Variants in SAP30BP observed in about 807,000 individuals in gnomAD.
SAP30BP encodes SAP30-binding protein.
A neutral mutation model predicts 46.3 loss-of-function variants in SAP30BP; 31 were observed. That is an observed-to-expected ratio of 0.67 (90% CI 0.50 to 0.90). The LOEUF is 0.90. Among genes scored for constraint, SAP30BP ranks in the 40% least tolerant of loss-of-function variants. The pLI is 0.00. For missense variants in SAP30BP, 312 were observed against 391.0 expected (o/e 0.80, Z 1.70); for synonymous variants, 169 against 144.2 (o/e 1.17, Z -1.23).
chr17:75,705,886 G>C, intron 9 of SAP30BP, 122 bp from the exon 10 acceptor site: 1 of 1,419,582 alleles, frequency 7.0e-7, no homozygotes, highest in Non-Finnish European at 9.7e-7. Context: ...GCAGAGCAGA[G>C]TTCATTTCCA....
intron 3 of SAP30BP, among the ~76,000 whole-genome samples, chr17:75,681,059 C>T (rs534060471): frequency 2.0e-5 from 3 of 152,234 alleles, no homozygotes; most frequent in South Asian, 4.1e-4. Flanking sequence ...AAATGCCTAA[C>T]GAATGGTTCT....
At chr17:75,701,445 C>G (rs1400359140) in intron 5 of SAP30BP, among the ~76,000 whole-genome samples, 1 of 152,130 alleles carries the variant, frequency 6.6e-6, no homozygotes, top group Non-Finnish European at 1.5e-5. Context: ...CTGGGCAGGA[C>G]CCCCTTCCTG....
At chr17:75,693,845 T>C (rs2060275093) in intron 4 of SAP30BP, among the ~76,000 whole-genome samples, 1 of 152,192 alleles carries the variant, frequency 6.6e-6, no homozygotes, top group Admixed American at 6.5e-5. Flanking sequence ...GGCATATGCA[T>C]GCTGCTCAGG....
chr17:75,675,444 C>T (rs1363787360), intron 3 of SAP30BP, among the ~76,000 whole-genome samples: 2 of 152,120 alleles, frequency 1.3e-5, no homozygotes, highest in African/African-American at 4.8e-5. Context: ...CCACCTCGCC[C>T]GGCCTCTACT....
chr17:75,672,814 G>A (rs1000972172), intron 3 of SAP30BP, among the ~76,000 whole-genome samples: 5 of 151,980 alleles, frequency 3.3e-5, no homozygotes, highest in African/African-American at 9.7e-5. Context: ...AAAATTAACT[G>A]GTGAGACTGG....
Position 75,674,697 on chromosome 17 carries a change from G to GTTTTTT in SAP30BP, c.264+2857_264+2862dup, listed in dbSNP as rs66721865. ...TATGAAGTTTTTTTGTTTGTTTTTT[G>GTTTTTT]TTTTTTTTTTTTTTTTTTTTTTTTT... is the stretch of plus-strand genomic sequence containing the variant. On this transcript the variant is annotated intron_variant, in intron 3 of 10. Coordinates refer to ENST00000584667, the MANE Select transcript of SAP30BP (RefSeq NM_013260.8). Among the ~76,000 whole-genome samples the GTTTTTT allele has an allele frequency of 2.2e-3, 133 of 61,546 alleles. 10 individuals are homozygous for GTTTTTT. The highest frequency in any genetic ancestry group is 3.6e-3 in the East Asian group (7 of 1,934). The allele number at this position is 61,546 out of a possible 152,430, so 40.4% of individuals were successfully genotyped here.
At chr17:75,704,564 A>G (rs1428554985) in intron 8 of SAP30BP, 192 bp from the exon 9 acceptor site, 3 of 583,300 alleles carry the variant, frequency 5.1e-6, no homozygotes, top group Non-Finnish European at 9.2e-6. Flanking sequence ...CAGGGCATGC[A>G]GCCCGCCAGT....
chr17:75,686,405 A>G (rs2060157070), intron 3 of SAP30BP, among the ~76,000 whole-genome samples: 1 of 151,904 alleles, frequency 6.6e-6, no homozygotes, highest in African/African-American at 2.4e-5. Context: ...AGTCCCAGCT[A>G]CTCTGGAGGT....
At chr17:75,671,326 C>T (rs1022723581) in intron 2 of SAP30BP, among the ~76,000 whole-genome samples, 1 of 152,170 alleles carries the variant, frequency 6.6e-6, no homozygotes, top group African/African-American at 2.4e-5. Flanking sequence ...TGCGATACAG[C>T]TGTGTGTAAG....
In SAP30BP at chr17:75,703,355, G is replaced by C; in HGVS notation, c.533G>C (p.Gly178Ala). The C allele has an allele frequency of 6.2e-7, 1 of 1,614,094 alleles. No individual in the cohort carries two copies. Among genetic ancestry groups the C allele is most frequent in the African/African-American group, 1.3e-5 (1 of 75,068 alleles). ...CAGTTCTGTGCCATTGACGAGCTTG[G>C]CACCAACTACCCAAAGGTGCGTCTG... Reference protein sequence around the residue: ...LIQFCAIDELGTNYPKDMFDP... With the variant: ...LIQFCAIDELATNYPKDMFDP... Residue 178 changes from glycine to alanine, a missense_variant, in exon 7 of 11, where the codon GGC becomes GCC. Coordinates refer to ENST00000584667, the MANE Select transcript of SAP30BP (RefSeq NM_013260.8).
At chr17:75,675,752 A>T (rs1176296238) in intron 3 of SAP30BP, among the ~76,000 whole-genome samples, 3 of 151,538 alleles carry the variant, frequency 2.0e-5, no homozygotes, top group East Asian at 1.9e-4. Flanking sequence ...CCATTTCTAT[A>T]AAAAAAATAC....
chr17:75,699,943 A>G, intron 5 of SAP30BP, 72 bp downstream of exon 5: 1 of 1,105,042 alleles, frequency 9.0e-7, no homozygotes. Context: ...TTTGGTCTTA[A>G]TCTTAAGAGA....
At chr17:75,682,188 AT>A (rs1011863352) in intron 3 of SAP30BP, among the ~76,000 whole-genome samples, 113 of 143,258 alleles carry the variant, frequency 7.9e-4, no homozygotes, top group South Asian at 1.1e-3. Flanking sequence ...CCATACGACC[AT>A]TTTTTTTTTT....
chr17:75,703,190 G>A, intron 6 of SAP30BP, 121 bp from the exon 7 acceptor site: 1 of 886,314 alleles, frequency 1.1e-6, no homozygotes, highest in Non-Finnish European at 1.8e-6. Flanking sequence ...AGCTTGCTTA[G>A]AGCAGCTGAG....
intron 4 of SAP30BP, among the ~76,000 whole-genome samples, chr17:75,695,462 G>A (rs2060302976): frequency 6.6e-6 from 1 of 152,176 alleles, no homozygotes; most frequent in African/African-American, 2.4e-5. Flanking sequence ...TCTTTTTGTA[G>A]CCAAGTAATA....
Position 75,667,377 on chromosome 17 carries a change from C to T in SAP30BP, c.5C>T (p.Ala2Val), listed in dbSNP as rs1304510455. ...CGCCCGGGCTGTGGGAATAAGATGG[C>T]GGGGAAGAAGAATGTTCTGTCGTCT... The part of the protein sequence containing the change: M[A>V]GKKNVLSSLA... Residue 2 changes from alanine to valine, a missense_variant, in exon 1 of 11, where the codon GCG becomes GTG. Ala to Val is a moderately conservative substitution (Grantham distance 64). Around this residue, in one of 2 missense-constraint regions of SAP30BP, gnomAD observed 296 missense variants for 346.6 expected, o/e 0.85. Coordinates refer to ENST00000584667, the MANE Select transcript of SAP30BP (RefSeq NM_013260.8). The T allele has an allele frequency of 6.2e-7, 1 of 1,613,990 alleles. No homozygotes were observed. The highest frequency in any genetic ancestry group is 1.1e-5 in the South Asian group (1 of 91,070).
At chr17:75,705,963 C>T in intron 9 of SAP30BP, 45 bp from the exon 10 acceptor site, 4 of 1,607,156 alleles carry the variant, frequency 2.5e-6, no homozygotes, top group Non-Finnish European at 2.5e-6. Context: ...AAGCTGTGGA[C>T]ACCCAGCTTT....
At chr17:75,671,601 G>C (rs1044642753) in intron 2 of SAP30BP, among the ~76,000 whole-genome samples, 3 of 152,092 alleles carry the variant, frequency 2.0e-5, no homozygotes, top group Non-Finnish European at 4.4e-5. Flanking sequence ...ACTTTGAGCT[G>C]CTGATGCTTT....
At chr17:75,697,706 C>T (rs183566357) in intron 4 of SAP30BP, among the ~76,000 whole-genome samples, 4 of 152,350 alleles carry the variant, frequency 2.6e-5, no homozygotes, top group Admixed American at 2.6e-4. Flanking sequence ...CCAGGCTCGA[C>T]TCCTGTCTCA....
Sources: allele counts gnomAD v4.1 joint callset (sites outside exome capture counted in the v4.1 genomes callset), GRCh38; gene constraint gnomAD v4.1.1; regional missense constraint gnomAD v4.1.1; transcripts MANE v1.5; gene names NCBI Gene and HGNC (gene_info 2026-07-23, HGNC 2026-07-21).